Variants in WDFY2 observed in about 807,000 individuals in gnomAD.
WDFY2 encodes the protein WD repeat and FYVE domain-containing protein 2.
WDFY2 carries 36 observed loss-of-function variants against 56.4 expected under a neutral mutation model. The ratio of observed to expected loss-of-function variants is 0.64; its 90% CI spans 0.49 to 0.84. The LOEUF is 0.84. Among genes scored for constraint, WDFY2 ranks in the 40% least tolerant of loss-of-function variants. WDFY2 has a pLI of 0.00. For synonymous variants in WDFY2, 176 were observed against 183.7 expected, an observed-to-expected ratio of 0.96 and a Z score of 0.34; for missense variants, 444 against 512.2, an observed-to-expected ratio of 0.87 and a Z score of 1.29.
At chr13:51,652,780 A>G (rs1440759488) in intron 1 of WDFY2, among the ~76,000 whole-genome samples, 1 of 152,216 alleles carries the variant, frequency 6.6e-6, no homozygotes, top group East Asian at 1.9e-4. Context: ...ATCCGCTGTT[A>G]GTCTGATGGG....
chr13:51,725,236 A>T (rs1952579015), intron 5 of WDFY2, among the ~76,000 whole-genome samples: 1 of 152,174 alleles, frequency 6.6e-6, no homozygotes, highest in Non-Finnish European at 1.5e-5. Context: ...CAAAATAATG[A>T]GCAATACTAA....
intron 1 of WDFY2, among the ~76,000 whole-genome samples, chr13:51,635,894 A>C (rs566578277): frequency 6.6e-6 from 1 of 152,264 alleles, no homozygotes; most frequent in South Asian, 2.1e-4. Context: ...CTTTACTGTA[A>C]CCATACCCTC....
intron 1 of WDFY2, among the ~76,000 whole-genome samples, chr13:51,620,336 A>T (rs963760320): frequency 6.6e-6 from 1 of 151,906 alleles, no homozygotes; most frequent in Non-Finnish European, 1.5e-5. Context: ...TGGACTGGAG[A>T]TGGCTGAGGA....
At chr13:51,607,268 A>T (rs1397583378) in intron 1 of WDFY2, among the ~76,000 whole-genome samples, 1 of 152,220 alleles carries the variant, frequency 6.6e-6, no homozygotes, top group African/African-American at 2.4e-5. Context: ...GGTAGCTGGC[A>T]TGGCCATAGT....
At chr13:51,610,758 G>T (rs1050055842) in intron 1 of WDFY2, among the ~76,000 whole-genome samples, 7 of 152,144 alleles carry the variant, frequency 4.6e-5, no homozygotes, top group African/African-American at 1.4e-4. Context: ...TCTGTATTTT[G>T]TGTGTATTTG....
intron 1 of WDFY2, among the ~76,000 whole-genome samples, chr13:51,647,887 G>A (rs750047817): frequency 5.2e-4 from 79 of 151,764 alleles, no homozygotes; most frequent in Non-Finnish European, 9.7e-4. Flanking sequence ...ACACACACAC[G>A]AGTCAGTTTA....
intron 1 of WDFY2, among the ~76,000 whole-genome samples, chr13:51,648,149 G>A (rs1955296123): frequency 6.6e-6 from 1 of 152,174 alleles, no homozygotes; most frequent in Admixed American, 6.5e-5. Context: ...GAGAGAGTTG[G>A]GGTGAGATGG....
intron 1 of WDFY2, among the ~76,000 whole-genome samples, chr13:51,600,790 C>T (rs1306586012): frequency 6.6e-6 from 1 of 152,148 alleles, no homozygotes; most frequent in Admixed American, 6.5e-5. Context: ...ACCCTATGGG[C>T]ATGAGATGAG....
chr13:51,733,116 A>C (rs1383609599), intron 6 of WDFY2, among the ~76,000 whole-genome samples: 1 of 152,038 alleles, frequency 6.6e-6, no homozygotes, highest in Non-Finnish European at 1.5e-5. Flanking sequence ...GCTCACTGCA[A>C]CCTCCATCTC....
At chr13:51,585,601 A>G (rs1953921572) in intron 1 of WDFY2, among the ~76,000 whole-genome samples, 1 of 152,256 alleles carries the variant, frequency 6.6e-6, no homozygotes, top group Non-Finnish European at 1.5e-5. Flanking sequence ...TTCCTTGAAT[A>G]TGCAGGAATA....
intron 1 of WDFY2, chr13:51,598,792 A>G (rs1217827210): frequency 1.3e-5 from 2 of 152,150 alleles, no homozygotes; most frequent in African/African-American, 4.8e-5. Context: ...GATGAACTCA[A>G]TGAACAAAAA....
intron 1 of WDFY2, among the ~76,000 whole-genome samples, chr13:51,654,024 C>T (rs368473474): frequency 1.4e-4 from 22 of 152,244 alleles, no homozygotes; most frequent in Admixed American, 4.6e-4. Context: ...CAGAGGCAGA[C>T]GCCTCCTTGA....
intron 2 of WDFY2, among the ~76,000 whole-genome samples, chr13:51,662,959 G>C (rs1275400170): frequency 6.6e-6 from 1 of 152,174 alleles, no homozygotes. Context: ...ATGTACTCTT[G>C]GGTTCTACCC....
At chr13:51,721,533 C>G (rs2138635607) in intron 5 of WDFY2, among the ~76,000 whole-genome samples, 1 of 152,174 alleles carries the variant, frequency 6.6e-6, no homozygotes, top group East Asian at 1.9e-4. Context: ...CAGGAGTCAT[C>G]CTCATTTTGT....
At chr13:51,608,396 G>A (rs927356610) in intron 1 of WDFY2, among the ~76,000 whole-genome samples, 2 of 152,104 alleles carry the variant, frequency 1.3e-5, no homozygotes, top group Non-Finnish European at 2.9e-5. Flanking sequence ...AAATAGTCAC[G>A]TTTGGCTGGG....
chr13:51,721,754 G>A (rs1952495667), intron 5 of WDFY2, among the ~76,000 whole-genome samples: 1 of 152,140 alleles, frequency 6.6e-6, no homozygotes, highest in East Asian at 1.9e-4. Context: ...TGATTTTGGA[G>A]CCATAGTTCC....
chr13:51,749,338 A>C (rs1445868810), intron 7 of WDFY2, among the ~76,000 whole-genome samples: 1 of 152,154 alleles, frequency 6.6e-6, no homozygotes, highest in African/African-American at 2.4e-5. Flanking sequence ...AAGTTCAAGA[A>C]CCACTGCTTT....
At chr13:51,626,891 G>T (rs961604476) in intron 1 of WDFY2, among the ~76,000 whole-genome samples, 4 of 152,218 alleles carry the variant, frequency 2.6e-5, no homozygotes, top group African/African-American at 7.2e-5. Context: ...AGCCCAGCAG[G>T]CTGTGCTTGG....
chr13:51,598,520 C>T (rs1954199658), intron 1 of WDFY2: 1 of 152,158 alleles, frequency 6.6e-6, no homozygotes, highest in Non-Finnish European at 1.5e-5. Flanking sequence ...AAGGATCTTT[C>T]ACACAGGGCA....
Sources: gnomAD v4.1 joint callset for allele counts (sites outside exome capture counted in the v4.1 genomes callset) on GRCh38, gnomAD v4.1.1 for gene constraint, MANE v1.5 for transcripts, NCBI Gene and HGNC (gene_info 2026-07-23, HGNC 2026-07-21) for gene names.